PLEKHG7: variants seen among roughly 807,000 people sequenced by gnomAD.
The protein encoded by PLEKHG7 is pleckstrin homology and RhoGEF domain containing G7, also known as pleckstrin homology domain-containing family G member 7.
Under a neutral mutation model 85.2 loss-of-function variants are expected in PLEKHG7, and 77 were observed. The ratio of observed to expected loss-of-function variants is 0.90; its 90% CI spans 0.75 to 1.09. The LOEUF (loss-of-function observed/expected upper bound fraction) is 1.09. PLEKHG7 is among the 50% of genes least tolerant of loss of function. PLEKHG7 has a pLI of 0.00. For missense variants in PLEKHG7, 777 were observed against 804.3 expected (o/e 0.97, Z 0.41); for synonymous variants, 301 against 302.4 (o/e 1.00, Z 0.05).
chr12:92,729,829 T>C (rs116547695), intron 4 of PLEKHG7, among the ~76,000 whole-genome samples: 1,556 of 152,266 alleles, frequency 0.01, 30 homozygotes, highest in African/African-American at 0.032. Context: ...CCAGGTGAAG[T>C]TGCAATGCTT....
At chr12:92,760,557 AT>A (rs1396128093) in intron 13 of PLEKHG7, among the ~76,000 whole-genome samples, 3 of 152,208 alleles carry the variant, frequency 2.0e-5, no homozygotes, top group African/African-American at 4.8e-5. Context: ...GCTGAAAAAA[AT>A]TTACTGGGTT....
intron 16 of PLEKHG7, 136 bp from the exon 17 acceptor site, chr12:92,769,952 T>G: frequency 1.7e-6 from 1 of 595,064 alleles, no homozygotes; most frequent in Middle Eastern, 4.5e-4. Context: ...GGGAAACATA[T>G]GCAAATGTTT....
At chr12:92,724,662 A>G (rs1263258114) in intron 3 of PLEKHG7, among the ~76,000 whole-genome samples, 1 of 152,226 alleles carries the variant, frequency 6.6e-6, no homozygotes, top group East Asian at 1.9e-4. Context: ...TCAGGTTTCA[A>G]GATCTATTCC....
At chr12:92,752,020 T>G (rs1872705091) in intron 10 of PLEKHG7, among the ~76,000 whole-genome samples, 1 of 147,012 alleles carries the variant, frequency 6.8e-6, no homozygotes, top group African/African-American at 2.5e-5. Flanking sequence ...CTGTTCCCCA[T>G]CCCCCTTAAA....
In PLEKHG7 at chr12:92,770,995, T is replaced by TGG. The variant is rs1046349510; in HGVS notation, c.*801_*802dup. 1.4e-3 allele frequency: 65 copies of TGG among 45,638 alleles called. No homozygotes were observed. The highest frequency in any genetic ancestry group is 3.4e-3 in the African/African-American group (63 of 18,626). The allele number at this position is 45,638 out of a possible 1,614,324, so 2.8% of individuals were successfully genotyped here. ...CATAAAAATACTTTCTGGTTTTGAT[T>TGG]GGTGTGTGTGTGTGTGTGTGTGTGT... On this transcript the variant is annotated 3_prime_UTR_variant, in exon 17 of 17. Coordinates refer to ENST00000344636, the MANE Select transcript of PLEKHG7 (RefSeq NM_001377329.1).
chr12:92,739,331 G>C (rs1872278223), intron 7 of PLEKHG7, among the ~76,000 whole-genome samples: 1 of 152,236 alleles, frequency 6.6e-6, no homozygotes, highest in African/African-American at 2.4e-5. Flanking sequence ...CCACCCCTGG[G>C]AATGAGATCA....
At chr12:92,756,841 T>C (rs533685307) in intron 13 of PLEKHG7, among the ~76,000 whole-genome samples, 6 of 152,192 alleles carry the variant, frequency 3.9e-5, no homozygotes, top group Non-Finnish European at 5.9e-5. Context: ...TTCTGTATAA[T>C]TCTTTCCCTC....
intron 13 of PLEKHG7, 118 bp from the exon 14 acceptor site, chr12:92,761,634 G>C (rs1450385798): frequency 3.6e-6 from 1 of 278,172 alleles, no homozygotes; most frequent in Non-Finnish European, 5.0e-6. Flanking sequence ...AAGAAAGAAA[G>C]AAAGAAAGAA....
At chr12:92,724,632 G>A (rs1243597913) in intron 3 of PLEKHG7, among the ~76,000 whole-genome samples, 2 of 152,206 alleles carry the variant, frequency 1.3e-5, no homozygotes, top group Non-Finnish European at 2.9e-5. Context: ...TGTTGTCTTT[G>A]CAAGAGTTGT....
chr12:92,734,329 C>T (rs571689031), intron 5 of PLEKHG7, among the ~76,000 whole-genome samples: 3 of 151,922 alleles, frequency 2.0e-5, no homozygotes, highest in Non-Finnish European at 4.4e-5. Context: ...TCTTCCCAAC[C>T]ATCAATATAA....
At chr12:92,754,056 A>T (rs1565795523) in intron 10 of PLEKHG7, 34 bp from the exon 11 acceptor site, 3 of 1,601,202 alleles carry the variant, frequency 1.9e-6, no homozygotes, top group East Asian at 4.5e-5. Context: ...GGGAGAGGTG[A>T]TCATTCTGAT....
At chr12:92,740,788 T>C (rs557327658) in intron 7 of PLEKHG7, 65 bp from the exon 8 acceptor site, 2 of 1,098,012 alleles carry the variant, frequency 1.8e-6, no homozygotes, top group South Asian at 2.7e-5. Flanking sequence ...TTTAAAGTTC[T>C]TGCAAAAGGC....
Position 92,741,601 on chromosome 12 carries a change from C to A in PLEKHG7, c.1137+9C>A. The A allele has an allele frequency of 6.2e-7, 1 of 1,601,738 alleles. No homozygotes were observed. Among genetic ancestry groups the A allele is most frequent in the Non-Finnish European group, 8.5e-7 (1 of 1,170,498 alleles). On this transcript the variant is annotated intron_variant, in intron 9 of 16. Transcript: ENST00000344636. ...TTTCCGTGCTCACAAAGGTAAACTC[C>A]TTCTGGGAGACCTCAGCTTCATGTA...
rs944460308 is a variant in PLEKHG7 at position 92,772,282 on chromosome 12, T to C, written c.*2087T>C. 12 of 151,976 alleles carry C rather than the reference T, an allele frequency of 7.9e-5. No individual in the cohort carries two copies. The highest frequency in any genetic ancestry group is 2.9e-4 in the African/African-American group (12 of 41,434). 9.4% of individuals were successfully genotyped at this position (151,976 alleles called of 1,614,324 possible). ...ATATTTTTTATATTTGTTTTTAGTTTTGTTAATTCTCTACAATATTAAATG... is the reference window on the plus strand; with the variant it reads ...ATATTTTTTATATTTGTTTTTAGTTCTGTTAATTCTCTACAATATTAAATG... On this transcript the variant is annotated 3_prime_UTR_variant, in exon 17 of 17. Coordinates refer to ENST00000344636, the MANE Select transcript of PLEKHG7 (RefSeq NM_001377329.1).
chr12:92,714,663 C>G (rs1280093067), intron 3 of PLEKHG7, among the ~76,000 whole-genome samples: 1 of 152,186 alleles, frequency 6.6e-6, no homozygotes, highest in Non-Finnish European at 1.5e-5. Flanking sequence ...AACACTTTGT[C>G]TACTGAACTT....
At chr12:92,713,546 G>T (rs192594060) in intron 3 of PLEKHG7, among the ~76,000 whole-genome samples, 1 of 152,244 alleles carries the variant, frequency 6.6e-6, no homozygotes, top group East Asian at 1.9e-4. Context: ...TTTAAATTTT[G>T]TAGTTGAGTG....
intron 11 of PLEKHG7, among the ~76,000 whole-genome samples, 189 bp from the exon 12 acceptor site, chr12:92,755,635 AG>A (rs1482863040): frequency 6.6e-6 from 1 of 152,218 alleles, no homozygotes; most frequent in Non-Finnish European, 1.5e-5. Context: ...TTTCTCTGCA[AG>A]AGACTGATTC....
At chr12:92,719,104 T>C (rs1034659381) in intron 3 of PLEKHG7, among the ~76,000 whole-genome samples, 8 of 152,206 alleles carry the variant, frequency 5.3e-5, no homozygotes, top group African/African-American at 1.4e-4. Context: ...GAAAGTTGAA[T>C]TGGAAACCAT....
chr12:92,754,496 GCT>G (rs1872774661), intron 11 of PLEKHG7, among the ~76,000 whole-genome samples: 1 of 152,148 alleles, frequency 6.6e-6, no homozygotes, highest in Non-Finnish European at 1.5e-5. Context: ...ACAGGATGTG[GCT>G]CTGTCTCCAA....
Sources: allele counts gnomAD v4.1 joint callset (sites outside exome capture counted in the v4.1 genomes callset), GRCh38; gene constraint gnomAD v4.1.1; transcripts MANE v1.5; gene names NCBI Gene and HGNC (gene_info 2026-07-23, HGNC 2026-07-21).